Variants in POLA1 observed in about 807,000 individuals in gnomAD.
POLA1 encodes the protein DNA polymerase alpha 1, catalytic subunit.
POLA1 carries 15 observed loss-of-function variants against 124.0 expected under a neutral mutation model. The observed-to-expected ratio is 0.12, with a 90% CI of 0.08 to 0.19. POLA1 has a LOEUF of 0.19. POLA1 is among the 10% of genes least tolerant of loss of function. The pLI, the probability that POLA1 is intolerant of heterozygous loss-of-function variation, is 1.00. For missense variants in POLA1, 886 were observed against 1,103.4 expected, an observed-to-expected ratio of 0.80 and a Z score of 2.79; for synonymous variants, 408 against 389.4, an observed-to-expected ratio of 1.05 and a Z score of -0.56.
At chrX:24,872,277 A>G (rs1366899455) in intron 34 of POLA1, among the ~76,000 whole-genome samples, 1 of 111,606 alleles carries the variant, frequency 9.0e-6, no homozygotes, top group Non-Finnish European at 1.9e-5. Context: ...TTTCAGCTGT[A>G]TACACACAAC....
At chrX:24,975,801 A>G (rs1273684619) in intron 36 of POLA1, among the ~76,000 whole-genome samples, 1 of 112,615 alleles carries the variant, frequency 8.9e-6, no homozygotes, top group African/African-American at 3.2e-5. Flanking sequence ...GTTTAATTTC[A>G]CTACTCTTTA....
intron 34 of POLA1, among the ~76,000 whole-genome samples, chrX:24,887,074 C>T (rs913310669): frequency 2.7e-5 from 3 of 112,161 alleles, no homozygotes; most frequent in African/African-American, 9.7e-5. Context: ...TATACTTACG[C>T]CTCTGTGGCA....
intron 35 of POLA1, among the ~76,000 whole-genome samples, chrX:24,912,405 A>G (rs912789391): frequency 4.5e-5 from 5 of 112,160 alleles, no homozygotes; most frequent in African/African-American, 1.6e-4. Context: ...GATCTGCAAA[A>G]GACACTGTTA....
intron 24 of POLA1, among the ~76,000 whole-genome samples, chrX:24,747,158 CT>C (rs762280757): frequency 1.5e-3 from 147 of 100,140 alleles, no homozygotes; most frequent in African/African-American, 3.4e-3. Flanking sequence ...CTCCAAGCTC[CT>C]TTTTTTTTTT....
intron 26 of POLA1, among the ~76,000 whole-genome samples, chrX:24,762,250 G>A (rs1405330047): frequency 1.8e-5 from 2 of 112,102 alleles, no homozygotes; most frequent in African/African-American, 6.5e-5. Context: ...GGCATGCCAC[G>A]TGGTGCTGCT....
chrX:24,803,930 TAAAAAAAAA>T (rs34721601), intron 26 of POLA1, among the ~76,000 whole-genome samples: 6 of 13,841 alleles, frequency 4.3e-4, no homozygotes, highest in Admixed American at 1.4e-3. Flanking sequence ...ACCCTAGACT[TAAAAAAAAA>T]AAAAAAAAAA....
At chrX:24,866,750 T>A (rs928421380) in intron 34 of POLA1, among the ~76,000 whole-genome samples, 3 of 112,431 alleles carry the variant, frequency 2.7e-5, no homozygotes, top group African/African-American at 9.7e-5. Context: ...TCCATTAAAG[T>A]TGAATTTGCC....
intron 36 of POLA1, among the ~76,000 whole-genome samples, chrX:24,963,630 A>G (rs1011834548): frequency 1.8e-5 from 2 of 111,965 alleles, no homozygotes; most frequent in Non-Finnish European, 3.8e-5. Context: ...GTAAGTATGT[A>G]GACTAAATAA....
chrX:24,788,334 T>TG, intron 26 of POLA1: 1 of 542,258 alleles, frequency 1.8e-6, no homozygotes, highest in Non-Finnish European at 2.3e-6. Context: ...TTACTACTTC[T>TG]TTTTTTTTTT....
chrX:24,892,816 T>G (rs2047159004), intron 35 of POLA1, among the ~76,000 whole-genome samples: 1 of 111,991 alleles, frequency 8.9e-6, no homozygotes, highest in Non-Finnish European at 1.9e-5. Context: ...AGCCCTTTAT[T>G]CAATTATTTA....
chrX:24,786,158 A>G (rs926438937), intron 26 of POLA1, among the ~76,000 whole-genome samples: 5 of 112,373 alleles, frequency 4.4e-5, no homozygotes, highest in Admixed American at 3.8e-4. Context: ...ATTGTGAATA[A>G]TGCTGCAGTG....
chrX:24,793,351 A>G (rs1367309287), intron 26 of POLA1, among the ~76,000 whole-genome samples: 1 of 104,868 alleles, frequency 9.5e-6, no homozygotes, highest in African/African-American at 3.5e-5. Flanking sequence ...GTCTACTTTC[A>G]GGAGGATGAG....
chrX:24,894,974 A>G (rs772962049), intron 35 of POLA1, among the ~76,000 whole-genome samples: 6 of 109,982 alleles, frequency 5.5e-5, no homozygotes, highest in Non-Finnish European at 7.6e-5. Context: ...GGGCTTTGCC[A>G]TGTTGCCCAG....
At chrX:24,754,695 A>G (rs760123159) in intron 26 of POLA1, among the ~76,000 whole-genome samples, 1 of 111,372 alleles carries the variant, frequency 9.0e-6, no homozygotes, top group Non-Finnish European at 1.9e-5. Context: ...TGGTTTTGTC[A>G]TTCTTGCCCA....
intron 26 of POLA1, among the ~76,000 whole-genome samples, chrX:24,802,859 G>A (rs1293840879): frequency 5.4e-5 from 6 of 111,242 alleles, no homozygotes; most frequent in Admixed American, 2.9e-4. Context: ...TTAGCTGGGC[G>A]TGGTGGCGCC....
At chrX:24,991,484 C>T (rs746522748) in intron 36 of POLA1, among the ~76,000 whole-genome samples, 1 of 112,584 alleles carries the variant, frequency 8.9e-6, no homozygotes, top group South Asian at 3.7e-4. Context: ...CCTCCCTTCT[C>T]GCATCGGCCT....
chrX:24,788,308 A>G (rs1354421626), intron 26 of POLA1: 2 of 977,375 alleles, frequency 2.0e-6, no homozygotes, highest in Non-Finnish European at 2.7e-6. Context: ...TGGGAACAAG[A>G]TAAGGATGCC....
intron 35 of POLA1, among the ~76,000 whole-genome samples, chrX:24,908,920 C>T (rs377553501): frequency 0.018 from 2,036 of 111,612 alleles, 51 homozygotes; most frequent in African/African-American, 0.063. Flanking sequence ...TTTTAATGAT[C>T]GCCATTCTAA....
At chrX:24,827,580 A>G (rs2046192173) in intron 32 of POLA1, among the ~76,000 whole-genome samples, 1 of 112,287 alleles carries the variant, frequency 8.9e-6, no homozygotes, top group South Asian at 3.7e-4. Context: ...GCTTCATGGA[A>G]GATTCTCCCC....
Sources: allele counts gnomAD v4.1 joint callset (sites outside exome capture counted in the v4.1 genomes callset), GRCh38; gene constraint gnomAD v4.1.1; transcripts MANE v1.5; gene names NCBI Gene and HGNC (gene_info 2026-07-23, HGNC 2026-07-21).